The following SRGAP3 variants were observed in gnomAD, a reference collection of about 807,000 sequenced individuals.
SRGAP3 encodes SLIT-ROBO Rho GTPase activating protein 3.
Under a neutral mutation model 121.1 loss-of-function variants are expected in SRGAP3, and 39 were observed. The observed-to-expected ratio is 0.32, with a 90% CI of 0.25 to 0.42. The LOEUF (loss-of-function observed/expected upper bound fraction) is 0.42, where lower values mean the gene tolerates loss of function less well. SRGAP3 is among the 10% of genes least tolerant of loss of function. The probability of loss-of-function intolerance (pLI) is 1.00; values close to 1 mark genes in which losing one functional copy is unlikely to be tolerated. For missense variants in SRGAP3, 1,213 were observed against 1,470.6 expected (o/e 0.82, Z 2.86); for synonymous variants, 601 against 570.0 (o/e 1.05, Z -0.77).
intron 3 of SRGAP3, among the ~76,000 whole-genome samples, chr3:9,084,808 G>A (rs1288102185): frequency 6.6e-6 from 1 of 152,132 alleles, no homozygotes; most frequent in Non-Finnish European, 1.5e-5. Context: ...TCCTGGAAAT[G>A]GACTTATCCT....
In SRGAP3 at chr3:9,013,860, C is replaced by T. The variant is rs764991917; in HGVS notation, c.1814-18G>A. 6.2e-7 allele frequency: 1 copy of T among 1,610,136 alleles called. No individual in the cohort carries two copies. Among genetic ancestry groups the T allele is most frequent in the African/African-American group, 1.3e-5 (1 of 74,840 alleles). Reference sequence around the variant, plus strand: ...CTCCAGTTCTGTAACATAAAGGGGCCTTTCAGCGTGCCTTTCATCCTCAGA... The same window carrying T: ...CTCCAGTTCTGTAACATAAAGGGGCTTTTCAGCGTGCCTTTCATCCTCAGA... On this transcript the variant is annotated intron_variant, in intron 15 of 21. Coordinates refer to ENST00000383836, the MANE Select transcript of SRGAP3 (RefSeq NM_014850.4).
intron 1 of SRGAP3, among the ~76,000 whole-genome samples, chr3:9,243,095 A>G (rs577809499): frequency 1.2e-4 from 19 of 152,316 alleles, no homozygotes; most frequent in Admixed American, 5.9e-4. Flanking sequence ...TTCGTGGCCA[A>G]AGACCTAAAC....
At chr3:9,202,196 T>C (rs894962878) in intron 1 of SRGAP3, among the ~76,000 whole-genome samples, 5 of 152,198 alleles carry the variant, frequency 3.3e-5, no homozygotes, top group African/African-American at 4.8e-5. Flanking sequence ...AATGTATCCA[T>C]AGAAACAGCT....
chr3:9,023,386 C>T (rs141475168), intron 14 of SRGAP3, among the ~76,000 whole-genome samples: 141 of 152,318 alleles, frequency 9.3e-4, no homozygotes, highest in African/African-American at 3.1e-3. Flanking sequence ...GCATCATGGA[C>T]GCAGATGGGA....
intron 1 of SRGAP3, among the ~76,000 whole-genome samples, chr3:9,174,391 G>A (rs1951099182): frequency 6.6e-6 from 1 of 152,172 alleles, no homozygotes; most frequent in Admixed American, 6.5e-5. Context: ...AAGGGTGGAA[G>A]TGTTTAACAA....
In SRGAP3 at chr3:9,060,279, G is replaced by A. The variant is rs143061036; in HGVS notation, c.753C>T (p.Asn251=). Residue 251 remains asparagine (N), a synonymous_variant, in exon 6 of 22, where the codon AAC becomes AAT. Transcript: ENST00000383836. ...NDYLLNLAAT[N]AAISKYYIHD... is the part of the protein sequence containing the mutation. ...GGATGTAGTATTTGCTTATAGCTGC[G>A]TTGGTGGCTGCCAGATTGAGCAAGT... 2,050 of 1,614,204 alleles carry A rather than the reference G, an allele frequency of 1.3e-3. 3 individuals carry two copies. The highest frequency in any genetic ancestry group is 1.6e-3 in the Non-Finnish European group (1,858 of 1,180,042).
intron 1 of SRGAP3, among the ~76,000 whole-genome samples, chr3:9,233,484 A>C (rs1407563745): frequency 6.6e-6 from 1 of 152,224 alleles, no homozygotes; most frequent in African/African-American, 2.4e-5. Flanking sequence ...ACCATCCTGA[A>C]TAGAGCTATT....
chr3:8,987,261 T>A (rs1213424493), intron 21 of SRGAP3, among the ~76,000 whole-genome samples: 3 of 152,058 alleles, frequency 2.0e-5, no homozygotes, highest in Non-Finnish European at 4.4e-5. Flanking sequence ...CCGACAGACA[T>A]GAGAGGACCT....
chr3:9,225,387 A>G (rs1473651963), intron 1 of SRGAP3, among the ~76,000 whole-genome samples: 1 of 152,182 alleles, frequency 6.6e-6, no homozygotes, highest in Non-Finnish European at 1.5e-5. Context: ...AGAGGAAGCC[A>G]CTGTCCTGAA....
chr3:9,032,816 A>T lies in SRGAP3; in HGVS notation c.1437-64T>A. 2.7e-6 allele frequency: 4 copies of T among 1,475,354 alleles called. No homozygotes were observed. In the South Asian group the frequency reaches 4.5e-5, roughly 17 times the overall value. 91.4% of individuals were successfully genotyped at this position (1,475,354 alleles called of 1,614,324 possible). A position where few individuals can be genotyped will look rare whatever the true frequency, so the allele number is the denominator to read the frequency against. On this transcript the variant is annotated intron_variant, in intron 11 of 21. Coordinates refer to ENST00000383836, the MANE Select transcript of SRGAP3 (RefSeq NM_014850.4). ...CAACATAAACATACAACTGGGAAAGATGCTCTTAAAACCCACGACTAAAGG... is the reference window on the plus strand; with the variant it reads ...CAACATAAACATACAACTGGGAAAGTTGCTCTTAAAACCCACGACTAAAGG...
At chr3:9,019,545 A>G in intron 14 of SRGAP3, among the ~76,000 whole-genome samples, 1 of 152,242 alleles carries the variant, frequency 6.6e-6, no homozygotes, top group Non-Finnish European at 1.5e-5. Context: ...CATCCACACA[A>G]TGGGCTGCTC....
At chr3:9,231,402 C>A (rs1359140433) in intron 1 of SRGAP3, among the ~76,000 whole-genome samples, 1 of 152,234 alleles carries the variant, frequency 6.6e-6, no homozygotes, top group East Asian at 1.9e-4. Flanking sequence ...CTTTAGAAAA[C>A]TGGGCAATTA....
intron 3 of SRGAP3, among the ~76,000 whole-genome samples, chr3:9,295,233 T>C (rs914185554): frequency 6.6e-6 from 1 of 152,254 alleles, no homozygotes; most frequent in Non-Finnish European, 1.5e-5. Context: ...TCTGTTGCTA[T>C]GGCAACTTAG....
chr3:9,325,915 G>A (rs1955509892), intron 3 of SRGAP3: 1 of 151,922 alleles, frequency 6.6e-6, no homozygotes, highest in Non-Finnish European at 1.5e-5. Context: ...AGAATCTCAT[G>A]ATAGCAGAAG....
intron 1 of SRGAP3, among the ~76,000 whole-genome samples, chr3:9,154,992 T>C (rs970936157): frequency 6.1e-5 from 9 of 148,684 alleles, no homozygotes; most frequent in Non-Finnish European, 1.3e-4. Flanking sequence ...TTGTTTTATG[T>C]TTTTTGTTTT....
At position 9,158,014 on chromosome 3, in the gene SRGAP3, A is replaced by G. The variant is rs569599817; in HGVS notation, c.68-33097T>C. ...TGTAGTCTCTGAAAGTCCACCTAAA[A>G]TAACCCTTCCAGGTATTATCAAGAA... On this transcript the variant is annotated intron_variant, in intron 1 of 21. Coordinates refer to ENST00000383836, the MANE Select transcript of SRGAP3 (RefSeq NM_014850.4). Among the ~76,000 whole-genome samples the G allele has an allele frequency of 2.0e-5, 3 of 152,348 alleles. No homozygotes were observed. In the South Asian group the frequency reaches 6.2e-4, roughly 32 times the overall value.
chr3:9,030,449 T>C (rs1944428183), intron 12 of SRGAP3, among the ~76,000 whole-genome samples: 1 of 152,136 alleles, frequency 6.6e-6, no homozygotes. Context: ...AGACAAGGTG[T>C]CCATTTGAAT....
At chr3:9,033,159 T>C (rs6777129) in intron 11 of SRGAP3, among the ~76,000 whole-genome samples, 68,196 of 152,048 alleles carry the variant, frequency 0.45, 15,453 homozygotes, top group East Asian at 0.69. Context: ...TTAATTTTCA[T>C]TATTTTGGTT....
At chr3:9,013,964 TC>T in intron 15 of SRGAP3, 122 bp from the exon 16 acceptor site, 1 of 873,820 alleles carries the variant, frequency 1.1e-6, no homozygotes, top group Non-Finnish European at 1.9e-6. Flanking sequence ...TACTCTTGAT[TC>T]CAGGGATCAC....
Sources: allele counts gnomAD v4.1 joint callset (sites outside exome capture counted in the v4.1 genomes callset), GRCh38; gene constraint gnomAD v4.1.1; transcripts MANE v1.5; gene names NCBI Gene and HGNC (gene_info 2026-07-23, HGNC 2026-07-21).